Variants in HECTD4 observed in about 807,000 individuals in gnomAD.
HECTD4 encodes probable E3 ubiquitin-protein ligase HECTD4.
Under a neutral mutation model 471.5 loss-of-function variants are expected in HECTD4, and 114 were observed. The ratio of observed to expected loss-of-function variants is 0.24; its 90% CI spans 0.21 to 0.28. HECTD4 has a LOEUF of 0.28. HECTD4 is among the 10% of genes least tolerant of loss of function. The pLI is 1.00. For synonymous variants in HECTD4, 2,012 were observed against 2,256.0 expected, an observed-to-expected ratio of 0.89 and a Z score of 3.07; for missense variants, 3,866 against 5,651.5, an observed-to-expected ratio of 0.68 and a Z score of 10.13.
intron 1 of HECTD4, among the ~76,000 whole-genome samples, chr12:112,367,571 G>A (rs2036588447): frequency 6.6e-6 from 1 of 151,858 alleles, no homozygotes; most frequent in African/African-American, 2.4e-5. Context: ...TGTAATTCCA[G>A]CACTTTGGGA....
chr12:112,230,553 G>A, intron 40 of HECTD4, 134 bp downstream of exon 40: 2 of 1,071,760 alleles, frequency 1.9e-6, no homozygotes, highest in Non-Finnish European at 2.6e-6. Flanking sequence ...GCAACTTCCA[G>A]GGGAAAGTCA....
At chr12:112,237,330 C>A (rs2033534862) in intron 34 of HECTD4, among the ~76,000 whole-genome samples, 1 of 152,054 alleles carries the variant, frequency 6.6e-6, no homozygotes, top group Admixed American at 6.5e-5. Flanking sequence ...ATGATTAATT[C>A]ATACATAACC....
intron 67 of HECTD4, among the ~76,000 whole-genome samples, chr12:112,172,412 C>T (rs931651252): frequency 1.3e-5 from 2 of 152,268 alleles, no homozygotes; most frequent in Admixed American, 1.3e-4. Context: ...CGCAGCCGTG[C>T]ATTTCTGTAT....
chr12:112,195,336 G>A (rs1035296408), intron 55 of HECTD4, among the ~76,000 whole-genome samples: 2 of 152,184 alleles, frequency 1.3e-5, no homozygotes, highest in African/African-American at 4.8e-5. Flanking sequence ...TATGTTCATA[G>A]TAGCATTATT....
intron 11 of HECTD4, among the ~76,000 whole-genome samples, chr12:112,270,879 T>G (rs1205465964): frequency 1.3e-5 from 2 of 152,092 alleles, no homozygotes; most frequent in Non-Finnish European, 1.5e-5. Context: ...TGGTAACCAT[T>G]CTAGTAAAAC....
At chr12:112,186,667 T>C (rs1306865751) in intron 60 of HECTD4, among the ~76,000 whole-genome samples, 1 of 149,222 alleles carries the variant, frequency 6.7e-6, no homozygotes, top group South Asian at 2.1e-4. Flanking sequence ...AGCTGCTTTT[T>C]TTTTTTTTTT....
At chr12:112,376,408 G>T (rs551690073) in intron 1 of HECTD4, among the ~76,000 whole-genome samples, 1 of 151,894 alleles carries the variant, frequency 6.6e-6, no homozygotes, top group Admixed American at 6.6e-5. Flanking sequence ...CACCACGCCC[G>T]GCTAATTTTT....
chr12:112,212,322 C>T (rs957347656), intron 49 of HECTD4, among the ~76,000 whole-genome samples, 165 bp downstream of exon 49: 3 of 152,196 alleles, frequency 2.0e-5, no homozygotes, highest in East Asian at 3.8e-4. Flanking sequence ...GGGGTCAACA[C>T]AAAGGAAGAC....
intron 18 of HECTD4, among the ~76,000 whole-genome samples, chr12:112,260,645 C>T (rs1336146661): frequency 6.6e-6 from 1 of 151,240 alleles, no homozygotes; most frequent in Non-Finnish European, 1.5e-5. Context: ...GGGATGATCT[C>T]GGCTCACTGC....
chr12:112,323,291 G>C (rs971899882), intron 1 of HECTD4, among the ~76,000 whole-genome samples: 1 of 152,120 alleles, frequency 6.6e-6, no homozygotes, highest in Non-Finnish European at 1.5e-5. Context: ...TCTTTATTGG[G>C]TGTGTACTTT....
rs1482204604 is a variant in HECTD4 at position 112,162,335 on chromosome 12, A to G, written c.*52T>C. ...GACGGGCCGCAGTGGTGGCTTCCCA[A>G]GCCAGCAGAGTGGGTGCCTCAGTGA... On this transcript the variant is annotated 3_prime_UTR_variant, in exon 76 of 76. Coordinates refer to ENST00000682272, the MANE Select transcript of HECTD4 (RefSeq NM_001388303.1). This position sits in a 1 kb window ranked among gnomAD's most constrained non-coding sequence, Gnocchi z 5.2. 1 of 1,611,392 alleles carries G rather than the reference A, an allele frequency of 6.2e-7. No homozygotes were observed. The highest frequency in any genetic ancestry group is 8.5e-7 in the Non-Finnish European group (1 of 1,178,484).
intron 1 of HECTD4, among the ~76,000 whole-genome samples, chr12:112,370,616 C>A (rs2036647812): frequency 1.3e-5 from 2 of 151,996 alleles, no homozygotes; most frequent in Admixed American, 1.3e-4. Context: ...TATATACACA[C>A]CAAAATTTTA....
In HECTD4 at chr12:112,248,115, C is replaced by T. The variant is rs779450856; in HGVS notation, c.4200G>A (p.Gly1400=). 1.9e-6 allele frequency: 3 copies of T among 1,613,598 alleles called. No individual in the cohort carries two copies. Among genetic ancestry groups the T allele is most frequent in the East Asian group, 2.2e-5 (1 of 44,848 alleles). Residue 1400 remains glycine, a synonymous_variant, in exon 27 of 76, where the codon GGG becomes GGA. Transcript: ENST00000682272. ...AGAAAGGCATGTTGTTCTCCAGTTTCCCCTGCATGGCATCATCAACTTCAC... is the reference window on the plus strand; with the variant it reads ...AGAAAGGCATGTTGTTCTCCAGTTTTCCCTGCATGGCATCATCAACTTCAC... ...WQSEVDDAMQ[G]KLENNMPFFY...
At chr12:112,347,549 G>A (rs758924055) in intron 1 of HECTD4, among the ~76,000 whole-genome samples, 2 of 152,216 alleles carry the variant, frequency 1.3e-5, no homozygotes, top group South Asian at 4.1e-4. Context: ...AGAGACTCCC[G>A]GATTGGGAAG....
At chr12:112,271,152 T>C (rs1447228948) in intron 11 of HECTD4, among the ~76,000 whole-genome samples, 1 of 152,126 alleles carries the variant, frequency 6.6e-6, no homozygotes, top group East Asian at 1.9e-4. Context: ...ACTCACCAAG[T>C]TTTAGTAAAT....
rs776086931 is a variant in HECTD4, at chr12:112,279,337, T to C, written c.1578A>G (p.Ile526Met). The change falls in exon 9 of 76, where the codon ATA becomes ATG. Residue 526 changes from isoleucine (I) to methionine (M), a missense_variant. By Grantham distance (10) the Ile-to-Met change is conservative (BLOSUM62 1). Around this residue, in one of 16 missense-constraint regions of HECTD4, gnomAD observed 525 missense variants for 672.6 expected, o/e 0.78. Coordinates refer to ENST00000682272, the MANE Select transcript of HECTD4 (RefSeq NM_001388303.1). ...TCACCAAGTAGGTGCCACAGGTATA[T>C]ATGGGTGTCTTCCGCAGCATTTTTA... Reference protein sequence around the residue: ...LPLKMLRKTPIYTCGTYLVML... With the variant: ...LPLKMLRKTPMYTCGTYLVML... 9 of 1,611,152 alleles carry C rather than the reference T, an allele frequency of 5.6e-6. No homozygotes were observed. Among genetic ancestry groups the C allele is most frequent in the East Asian group, 4.5e-5 (2 of 44,770 alleles).
chr12:112,360,215 A>G (rs1021087006), intron 1 of HECTD4, among the ~76,000 whole-genome samples: 3 of 152,190 alleles, frequency 2.0e-5, no homozygotes, highest in Admixed American at 1.3e-4. Flanking sequence ...GCTACTTGGG[A>G]GGCTGGGGCA....
At chr12:112,355,598 A>T (rs1016515691) in intron 1 of HECTD4, among the ~76,000 whole-genome samples, 1 of 151,710 alleles carries the variant, frequency 6.6e-6, no homozygotes, top group Non-Finnish European at 1.5e-5. Flanking sequence ...CATGTCTACT[A>T]AAAATACAAA....
intron 2 of HECTD4, among the ~76,000 whole-genome samples, chr12:112,315,281 C>T (rs1024795093): frequency 3.3e-5 from 5 of 152,318 alleles, no homozygotes; most frequent in East Asian, 3.9e-4. Flanking sequence ...GGGCTGACTT[C>T]GACTTGCTGC....
Sources: allele counts gnomAD v4.1 joint callset (sites outside exome capture counted in the v4.1 genomes callset), GRCh38; gene constraint gnomAD v4.1.1; regional missense constraint gnomAD v4.1.1; non-coding constraint Gnocchi (gnomAD v3.1); transcripts MANE v1.5; gene names NCBI Gene and HGNC (gene_info 2026-07-23, HGNC 2026-07-21).